RANBP2: variants seen among roughly 807,000 people sequenced by gnomAD.
RANBP2 encodes RAN binding protein 2, also known as E3 SUMO-protein ligase RanBP2.
A neutral mutation model predicts 303.6 loss-of-function variants in RANBP2; 57 were observed. The observed-to-expected ratio is 0.19, with a 90% CI of 0.15 to 0.23. The LOEUF (loss-of-function observed/expected upper bound fraction) is 0.23, where lower values mean the gene tolerates loss of function less well. RANBP2 is among the 10% of genes least tolerant of loss of function. The pLI is 1.00. For missense variants in RANBP2, 3,138 were observed against 3,780.8 expected, an observed-to-expected ratio of 0.83 and a Z score of 4.46; for synonymous variants, 1,167 against 1,301.5, an observed-to-expected ratio of 0.90 and a Z score of 2.23.
the RANBP2 span, chr2:108,873,423 A>G: frequency 6.5e-7 from 1 of 1,529,610 alleles, no homozygotes; most frequent in Admixed American, 2.2e-5. Flanking sequence ...ACTCCCTAAT[A>G]GTAAAGCACT....
the RANBP2 span, among the ~76,000 whole-genome samples, chr2:109,652,175 G>GCTGTGCTTC: frequency 9.2e-5 from 14 of 152,102 alleles, 1 homozygote; most frequent in Non-Finnish European, 1.5e-5. Flanking sequence ...TCTCTTGCCT[G>GCTGTGCTTC]CTGTGCTTCT....
At chr2:108,726,538 AG>A (rs1217237253) in intron 1 of RANBP2, among the ~76,000 whole-genome samples, 2 of 150,946 alleles carry the variant, frequency 1.3e-5, no homozygotes, top group African/African-American at 4.9e-5. Flanking sequence ...GTTCCTGATG[AG>A]GGCTTTCTTC....
chr2:109,684,945 C>T, the RANBP2 span, among the ~76,000 whole-genome samples: 2 of 152,106 alleles, frequency 1.3e-5, no homozygotes, highest in Admixed American at 1.3e-4. Flanking sequence ...GCAATCTCAG[C>T]TCACTGCAGT....
chr2:109,725,321 G>A, the RANBP2 span, among the ~76,000 whole-genome samples: 1 of 152,236 alleles, frequency 6.6e-6, no homozygotes, highest in Non-Finnish European at 1.5e-5. Flanking sequence ...ACTCCACAGG[G>A]TGAGGGTCTT....
the RANBP2 span, among the ~76,000 whole-genome samples, chr2:109,644,180 G>A: frequency 1.3e-5 from 2 of 150,538 alleles, no homozygotes; most frequent in Non-Finnish European, 2.9e-5. Context: ...GGTGGTGCAC[G>A]CCTGTAGTCC....
At chr2:109,398,631 A>T in the RANBP2 span, 610 of 1,595,216 alleles carry the variant, frequency 3.8e-4, 8 homozygotes, top group South Asian at 6.6e-3. Context: ...TGGACAAGCC[A>T]TGCCCAGCCG....
the RANBP2 span, among the ~76,000 whole-genome samples, chr2:109,333,123 C>T: frequency 6.6e-6 from 1 of 152,228 alleles, no homozygotes; most frequent in Non-Finnish European, 1.5e-5. Context: ...CCTCAGTTTC[C>T]AGCCCTAGCT....
chr2:109,355,871 C>T, the RANBP2 span, among the ~76,000 whole-genome samples: 16 of 152,314 alleles, frequency 1.1e-4, no homozygotes, highest in African/African-American at 3.8e-4. Flanking sequence ...CCTTCCTTGT[C>T]CTTCTGAAAG....
At chr2:109,360,480 T>C in the RANBP2 span, among the ~76,000 whole-genome samples, 1 of 152,210 alleles carries the variant, frequency 6.6e-6, no homozygotes, top group Non-Finnish European at 1.5e-5. Context: ...GTATAAGGTA[T>C]ATATAAAACA....
At chr2:109,618,598 T>A in the RANBP2 span, 2 of 167,048 alleles carry the variant, frequency 1.2e-5, no homozygotes, top group Non-Finnish European at 2.9e-5. Context: ...TAACTTTACA[T>A]TCCTCTTATT....
At chr2:109,718,289 C>T in the RANBP2 span, among the ~76,000 whole-genome samples, 1 of 152,222 alleles carries the variant, frequency 6.6e-6, no homozygotes, top group East Asian at 1.9e-4. Context: ...GTAGCATTTT[C>T]CATAATAACC....
chr2:109,039,971 T>A, the RANBP2 span, among the ~76,000 whole-genome samples: 3 of 152,206 alleles, frequency 2.0e-5, no homozygotes, highest in Non-Finnish European at 4.4e-5. Context: ...TTCATAATTT[T>A]AATATGGTCT....
chr2:109,171,785 C>T, the RANBP2 span, among the ~76,000 whole-genome samples: 6 of 152,364 alleles, frequency 3.9e-5, no homozygotes, highest in East Asian at 1.9e-4. Flanking sequence ...ATCCCGGCCA[C>T]GCTCACTTGC....
At chr2:109,249,519 T>TTTTC in the RANBP2 span, among the ~76,000 whole-genome samples, 1 of 61,900 alleles carries the variant, frequency 1.6e-5, no homozygotes, top group South Asian at 5.9e-4. Flanking sequence ...CATTCTTTCT[T>TTTTC]TTTCTTTCTT....
At chr2:109,356,258 C>A in the RANBP2 span, among the ~76,000 whole-genome samples, 1 of 152,156 alleles carries the variant, frequency 6.6e-6, no homozygotes, top group African/African-American at 2.4e-5. Flanking sequence ...TAGGAACATT[C>A]TAGATCCCAC....
At chr2:109,416,450 T>C in the RANBP2 span, among the ~76,000 whole-genome samples, 7 of 152,006 alleles carry the variant, frequency 4.6e-5, no homozygotes, top group Non-Finnish European at 8.8e-5. Flanking sequence ...ATACAAAATA[T>C]CTCGGCTCAC....
chr2:109,492,973 C>A, the RANBP2 span, among the ~76,000 whole-genome samples: 14 of 147,854 alleles, frequency 9.5e-5, 1 homozygote, highest in East Asian at 1.5e-3. Flanking sequence ...CCTTGGGGGA[C>A]TGGGTTCACA....
At chr2:109,419,618 C>G in the RANBP2 span, 1 of 1,588,394 alleles carries the variant, frequency 6.3e-7, no homozygotes, top group Admixed American at 1.8e-5. Context: ...GGCACGCCTC[C>G]CAAGGTCCAG....
chr2:109,630,553 T>C, the RANBP2 span, among the ~76,000 whole-genome samples: 1 of 152,222 alleles, frequency 6.6e-6, no homozygotes, highest in African/African-American at 2.4e-5. Context: ...GTCTTCCACC[T>C]CCTGGCCACC....
Sources: allele counts gnomAD v4.1 joint callset (sites outside exome capture counted in the v4.1 genomes callset), GRCh38; gene constraint gnomAD v4.1.1; transcripts MANE v1.5; gene names NCBI Gene and HGNC (gene_info 2026-07-23, HGNC 2026-07-21).